Variants in ARHGAP29 observed in about 807,000 individuals in gnomAD.
The protein encoded by ARHGAP29 is rho GTPase-activating protein 29.
A neutral mutation model predicts 122.6 loss-of-function variants in ARHGAP29; 43 were observed. The ratio of observed to expected loss-of-function variants is 0.35; its 90% CI spans 0.27 to 0.45. The LOEUF (loss-of-function observed/expected upper bound fraction) is 0.45. Ranked by LOEUF, ARHGAP29 falls within the 20% of genes least tolerant of loss-of-function variation. The pLI is 1.00. For missense variants in ARHGAP29, 1,303 were observed against 1,477.2 expected (o/e 0.88, Z 1.93); for synonymous variants, 506 against 497.1 (o/e 1.02, Z -0.24).
rs773737849 is a variant in ARHGAP29 at position 94,169,587 on chromosome 1, T to C, written c.*4282A>G. The stretch of plus-strand genomic sequence containing the variant: ...ACTCAAAGTTTTCAATACGTATGTA[T>C]ATAAATAGATATAGAAGTAGGTGAC... On this transcript the variant is annotated 3_prime_UTR_variant, in exon 23 of 23. Transcript: ENST00000260526. Among the ~76,000 whole-genome samples the C allele has an allele frequency of 9.2e-5, 14 of 152,168 alleles. No individual in the cohort carries two copies. Among genetic ancestry groups the C allele is most frequent in the Non-Finnish European group, 1.6e-4 (11 of 68,040 alleles).
chr1:94,198,872 C>T (rs1285545573), intron 12 of ARHGAP29, among the ~76,000 whole-genome samples: 1 of 152,134 alleles, frequency 6.6e-6, no homozygotes, highest in African/African-American at 2.4e-5. Context: ...GTCAAAGAAC[C>T]TTAAATACTC....
chr1:94,283,278 A>T, the ARHGAP29 span, among the ~76,000 whole-genome samples: 1 of 152,098 alleles, frequency 6.6e-6, no homozygotes, highest in Non-Finnish European at 1.5e-5. Flanking sequence ...ATCATTAAGG[A>T]TATTCTGCAC....
In ARHGAP29 at chr1:94,203,195, G is replaced by A; in HGVS notation, c.778C>T (p.Gln260Ter). ...AGAAGAGCATTAGTAAACAGAGACT[G>A]CAGTGGCATGAACTCCTAAAATTTA... ...NIGIQEFMPL[Q>*]SLFTNALLND... The change falls in exon 9 of 23, where the codon CAG becomes TAG. Residue 260 changes from glutamine to a stop codon, truncating the protein, a stop_gained. Coordinates refer to ENST00000260526, the MANE Select transcript of ARHGAP29 (RefSeq NM_004815.4). LOFTEE classifies it high-confidence loss of function. 6.2e-7 allele frequency: 1 copy of A among 1,604,650 alleles called. No individual in the cohort carries two copies. The highest frequency in any genetic ancestry group is 8.5e-7 in the Non-Finnish European group (1 of 1,177,042).
chr1:94,194,072 A>G (rs1411703570), intron 12 of ARHGAP29: 1 of 152,196 alleles, frequency 6.6e-6, no homozygotes, highest in Non-Finnish European at 1.5e-5. Flanking sequence ...AGTTCTAAGT[A>G]GACTGTAAAA....
In ARHGAP29 at chr1:94,221,841, CTTGGT is replaced by C. The variant is rs1369319770; in HGVS notation, c.206-1454_206-1450del. Among the ~76,000 whole-genome samples the C allele has an allele frequency of 3.3e-5, 5 of 151,694 alleles. No individual in the cohort carries two copies. The East Asian group carries it at 7.7e-4, about 23-fold the overall frequency. Reference sequence around the variant, plus strand: ...CAACAAGCACACCTAGTATCTAGATCTTGGTTTCTAATACTATTCTCCAATGAAAG... The same window carrying C: ...CAACAAGCACACCTAGTATCTAGATCTTCTAATACTATTCTCCAATGAAAG... On this transcript the variant is annotated intron_variant, in intron 2 of 22. Coordinates refer to ENST00000260526, the MANE Select transcript of ARHGAP29 (RefSeq NM_004815.4).
chr1:94,185,972 C>A (rs1272809160), intron 16 of ARHGAP29, among the ~76,000 whole-genome samples: 1 of 152,060 alleles, frequency 6.6e-6, no homozygotes, highest in Non-Finnish European at 1.5e-5. Flanking sequence ...GTCACATATT[C>A]CATTAATTTA....
chr1:94,308,579 G>A, the ARHGAP29 span, among the ~76,000 whole-genome samples: 2 of 152,170 alleles, frequency 1.3e-5, no homozygotes, highest in African/African-American at 2.4e-5. Context: ...GCCAAGTCAC[G>A]TCATCATTTT....
rs368030859 is a variant in ARHGAP29 at position 94,266,990 on chromosome 1, A to G, written c.-33+8022T>C. Among the ~76,000 whole-genome samples the G allele has an allele frequency of 1.8e-4, 27 of 152,356 alleles. 1 individual carries two copies. The South Asian group carries it at 4.3e-3, about 25-fold the overall frequency. On this transcript the variant is annotated intron_variant and NMD_transcript_variant, in intron 1 of 25. Coordinates refer to the ARHGAP29 transcript ENST00000552844. ...ATGAGTTAATGGTAGAGCCAGGACA[A>G]GAAGTCAGATCTGCTCTCAATCCAG...
chr1:94,308,003 A>G, the ARHGAP29 span, among the ~76,000 whole-genome samples: 1 of 152,116 alleles, frequency 6.6e-6, no homozygotes, highest in African/African-American at 2.4e-5. Flanking sequence ...AAGGATTAAC[A>G]TTACTCTCTG....
intron 1 of ARHGAP29, among the ~76,000 whole-genome samples, chr1:94,270,298 A>G (rs1654937098): frequency 6.6e-6 from 1 of 152,216 alleles, no homozygotes; most frequent in African/African-American, 2.4e-5. Context: ...ACATAGCACT[A>G]CATCTTACCT....
chr1:94,295,725 A>ATGTGGAATCTTCTAATTCCACACAG, the ARHGAP29 span, among the ~76,000 whole-genome samples: 1 of 151,282 alleles, frequency 6.6e-6, no homozygotes, highest in African/African-American at 2.5e-5. Flanking sequence ...ACTCCACACA[A>ATGTGGAATCTTCTAATTCCACACAG]TGTGGAATCT....
intron 13 of ARHGAP29, 77 bp downstream of exon 13, chr1:94,189,849 C>T: frequency 7.0e-7 from 1 of 1,426,064 alleles, no homozygotes; most frequent in Non-Finnish European, 9.6e-7. Flanking sequence ...GAAAAGTCTC[C>T]TCCTTGTACT....
At chr1:94,285,295 A>G in the ARHGAP29 span, among the ~76,000 whole-genome samples, 1 of 152,112 alleles carries the variant, frequency 6.6e-6, no homozygotes, top group Non-Finnish European at 1.5e-5. Context: ...CACATTGAGC[A>G]TCAACAATGA....
chr1:94,275,833 T>G (rs1381815255), upstream of ARHGAP29, among the ~76,000 whole-genome samples: 1 of 152,194 alleles, frequency 6.6e-6, no homozygotes, highest in African/African-American at 2.4e-5. Context: ...CTTTAAAAAT[T>G]AGGTCAGTTT....
the ARHGAP29 span, chr1:94,302,704 G>A: frequency 2.4e-6 from 1 of 424,922 alleles, no homozygotes; most frequent in East Asian, 7.2e-5. Context: ...AGGAAGCTCA[G>A]TGGTGTGGCC....
At chr1:94,175,855 C>T (rs568626606) in intron 22 of ARHGAP29, among the ~76,000 whole-genome samples, 1 of 152,214 alleles carries the variant, frequency 6.6e-6, no homozygotes, top group South Asian at 2.1e-4. Context: ...CAGGTGCCTG[C>T]TACCATGCCC....
chr1:94,193,960 G>A (rs146706945), intron 12 of ARHGAP29: 191 of 152,232 alleles, frequency 1.3e-3, no homozygotes, highest in African/African-American at 4.5e-3. Flanking sequence ...GGTTTTCAAC[G>A]TATATGGATG....
chr1:94,249,962 C>T (rs1160467193), intron 1 of ARHGAP29, among the ~76,000 whole-genome samples: 2 of 151,496 alleles, frequency 1.3e-5, no homozygotes, highest in African/African-American at 4.8e-5. Flanking sequence ...ATGTTGAGGG[C>T]ATGAATGGTA....
chr1:94,309,203 C>A, the ARHGAP29 span, among the ~76,000 whole-genome samples: 1 of 152,224 alleles, frequency 6.6e-6, no homozygotes, highest in African/African-American at 2.4e-5. Context: ...ATTTCATAGT[C>A]ACAACAAACT....
Sources: allele counts gnomAD v4.1 joint callset (sites outside exome capture counted in the v4.1 genomes callset), GRCh38; gene constraint gnomAD v4.1.1; transcripts MANE v1.5; gene names NCBI Gene and HGNC (gene_info 2026-07-23, HGNC 2026-07-21).